The following SH2B1 variants were observed in gnomAD, a reference collection of about 807,000 sequenced individuals.
The protein encoded by SH2B1 is SH2B adapter protein 1.
A neutral mutation model predicts 62.6 loss-of-function variants in SH2B1; 15 were observed. The ratio of observed to expected loss-of-function variants is 0.24; its 90% CI spans 0.16 to 0.37. The LOEUF (loss-of-function observed/expected upper bound fraction) is 0.37, where lower values mean the gene tolerates loss of function less well. Among genes scored for constraint, SH2B1 ranks in the 10% least tolerant of loss-of-function variants. The probability of loss-of-function intolerance (pLI) is 1.00; values close to 1 mark genes in which losing one functional copy is unlikely to be tolerated. For synonymous variants in SH2B1, 443 were observed against 438.0 expected (o/e 1.01, Z -0.14); for missense variants, 925 against 1,015.6 (o/e 0.91, Z 1.21).
At position 28,872,242 on chromosome 16, in the gene SH2B1, C is replaced by T. The variant is rs538986621; in HGVS notation, c.1566C>T (p.Leu522=). The change falls in exon 6 of 8, where the codon CTC becomes CTT. Residue 522 remains leucine, a synonymous_variant. Coordinates refer to ENST00000684370, the MANE Select transcript of SH2B1 (RefSeq NM_001387430.1). The surrounding 1 kb of genome is among the most constrained non-coding windows in gnomAD (Gnocchi z 5.3). ...EPEGGEGDQP[L]SGYPWFHGML... ...AGGGCGGTGAGGGGGACCAGCCCCT[C>T]TCAGGGTATCCTTGGTTCCACGGGA... is the stretch of plus-strand genomic sequence containing the variant. 1 of 1,613,994 alleles carries T rather than the reference C, an allele frequency of 6.2e-7. No homozygotes were observed. The highest frequency in any genetic ancestry group is 2.2e-5 in the East Asian group (1 of 44,882).
rs1409368831 is a variant in SH2B1 at position 28,866,371 on chromosome 16, G to A, written c.277G>A (p.Ala93Thr). 6.2e-7 allele frequency: 1 copy of A among 1,613,310 alleles called. No homozygotes were observed. Among genetic ancestry groups the A allele is most frequent in the Non-Finnish European group, 8.5e-7 (1 of 1,179,992 alleles). ...TGGCTCCCTGTCGCCACCCATCCTG[G>A]CTCCCCTGAGCCCTGGTGCGGAGAT... ...ASGSLSPPIL[A>T]PLSPGAEISP... The change falls in exon 1 of 8, where the codon GCT becomes ACT. Residue 93 changes from alanine to threonine, a missense_variant. Around this residue, in one of 3 missense-constraint regions of SH2B1, gnomAD observed 683 missense variants for 704.0 expected, o/e 0.97. Transcript: ENST00000684370. This position sits in a 1 kb window ranked among gnomAD's most constrained non-coding sequence, Gnocchi z 6.3.
Position 28,864,200 on chromosome 16 carries a change from C to T in SH2B1, c.-1895C>T. The T allele has an allele frequency of 9.6e-7, 1 of 1,044,410 alleles. No individual in the cohort carries two copies. Among genetic ancestry groups the T allele is most frequent in the African/African-American group, 1.7e-5 (1 of 58,134 alleles). The allele number at this position is 1,044,410 out of a possible 1,614,324, so 64.7% of individuals were successfully genotyped here. On this transcript the variant is annotated 5_prime_UTR_variant, in exon 1 of 8. Transcript: ENST00000684370. ...ACCACCGGGCCCGGAGGGTCCGAGC[C>T]GAGAGCGGAGCCTGCACCCTCCACC...
At chr16:28,848,555 C>A (rs1198158273) in intron 1 of SH2B1, among the ~76,000 whole-genome samples, 1 of 152,084 alleles carries the variant, frequency 6.6e-6, no homozygotes, top group Admixed American at 6.6e-5. Context: ...CAGTGCTACC[C>A]TGGGTAGTAG....
intron 1 of SH2B1, among the ~76,000 whole-genome samples, chr16:28,855,806 A>ATT (rs746171586): frequency 5.9e-5 from 6 of 102,392 alleles, no homozygotes; most frequent in African/African-American, 8.0e-5. Context: ...CGCCCGGCTA[A>ATT]TTTTTTTTTT....
At chr16:28,856,289 AC>A (rs1353229784) in intron 1 of SH2B1, among the ~76,000 whole-genome samples, 2 of 147,722 alleles carry the variant, frequency 1.4e-5, no homozygotes, top group Non-Finnish European at 3.0e-5. Context: ...AAAAAAAAAA[AC>A]CACACACACA....
intron 2 of SH2B1, 32 bp from the exon 3 acceptor site, chr16:28,868,974 G>T: frequency 1.9e-6 from 3 of 1,552,618 alleles, no homozygotes; most frequent in Non-Finnish European, 2.7e-6. Context: ...CCCTGCCCCT[G>T]CCCCAGCTGA....
At chr16:28,859,096 C>G (rs1962382447), upstream of SH2B1, among the ~76,000 whole-genome samples, 1 of 151,946 alleles carries the variant, frequency 6.6e-6, no homozygotes, top group Admixed American at 6.6e-5. Context: ...CATGGACCAC[C>G]CAACCTGGCT....
rs1962677901 is a variant in SH2B1, at chr16:28,866,181, C to T, written c.87C>T (p.Phe29=). ...CCCCGCCCCCTAGTTGGCGGGAGTT[C>T]TGTGAGTCCCACGCCCGGGCTGCGG... ...PPPPPPSWRE[F]CESHARAAAL... Residue 29 remains phenylalanine, a synonymous_variant, in exon 1 of 8, where the codon TTC becomes TTT. Coordinates refer to ENST00000684370, the MANE Select transcript of SH2B1 (RefSeq NM_001387430.1). The surrounding 1 kb of genome is among the most constrained non-coding windows in gnomAD (Gnocchi z 6.3). The T allele has an allele frequency of 1.4e-6, 2 of 1,472,076 alleles. No homozygotes were observed. Among genetic ancestry groups the T allele is most frequent in the Non-Finnish European group, 9.1e-7 (1 of 1,102,036 alleles). The allele number at this position is 1,472,076 out of a possible 1,614,324, so 91.2% of individuals were successfully genotyped here.
chr16:28,866,535 G>C lies in SH2B1; in HGVS notation c.441G>C (p.Pro147=). The change falls in exon 1 of 8, where the codon CCG becomes CCC. Residue 147 remains proline, a synonymous_variant. Coordinates refer to ENST00000684370, the MANE Select transcript of SH2B1 (RefSeq NM_001387430.1). This position sits in a 1 kb window ranked among gnomAD's most constrained non-coding sequence, Gnocchi z 6.3. ...VSSSSTTSSK[P]KLKKRFSLRS... is the part of the protein sequence containing the mutation. ...CCTCCTCTACAACCTCCTCCAAGCC[G>C]AAGCTCAAGAAGCGCTTTTCCCTGC... 4 of 1,613,950 alleles carry C rather than the reference G, an allele frequency of 2.5e-6. No homozygotes were observed. Among genetic ancestry groups the C allele is most frequent in the Non-Finnish European group, 8.5e-7 (1 of 1,180,002 alleles).
chr16:28,863,491 C>T, upstream of SH2B1: 1 of 592,196 alleles, frequency 1.7e-6, no homozygotes, highest in South Asian at 2.2e-5. Context: ...ACAGCCTCAT[C>T]ATCTCGCTGG....
At position 28,869,091 on chromosome 16, in the gene SH2B1, G is replaced by A. The variant is rs755974041; in HGVS notation, c.1127G>A (p.Ser376Asn). ...AWVSDIQECL[S>N]PGPCPATSPR... ...GTGTCTGACATCCAAGAATGCCTGA[G>A]CCCAGGGTGAGAAGCCTGACTTCTG... The change falls in exon 3 of 8, where the codon AGC (serine) becomes AAC (asparagine). Residue 376 changes from serine to asparagine, a missense_variant. Around this residue, in one of 3 missense-constraint regions of SH2B1, gnomAD observed 683 missense variants for 704.0 expected, o/e 0.97. Transcript: ENST00000684370. The A allele has an allele frequency of 1.2e-5, 20 of 1,614,032 alleles. No homozygotes were observed. In the South Asian group the frequency reaches 2.1e-4, roughly 17 times the overall value.
At chr16:28,854,987 T>A (rs957539512) in intron 1 of SH2B1, among the ~76,000 whole-genome samples, 2 of 151,950 alleles carry the variant, frequency 1.3e-5, no homozygotes, top group African/African-American at 4.8e-5. Context: ...GCGATTCTCC[T>A]GCCTCAGCCT....
intron 1 of SH2B1, among the ~76,000 whole-genome samples, chr16:28,849,662 C>G (rs1962054480): frequency 6.6e-6 from 1 of 152,116 alleles, no homozygotes; most frequent in Non-Finnish European, 1.5e-5. Flanking sequence ...CACAATGGCT[C>G]ACACCTATAA....
rs1567458034 is a variant in SH2B1, at chr16:28,852,219, T to TACATATATATATTTAC, written c.-301+5402_-301+5403insATTTACACATATATAT. Among the ~76,000 whole-genome samples, 46 of 67,488 alleles carry TACATATATATATTTAC rather than the reference T, an allele frequency of 6.8e-4. 6 individuals carry two copies. The South Asian group carries it at 0.037, about 54-fold the overall frequency. 44.3% of individuals were successfully genotyped at this position (67,488 alleles called of 152,430 possible). ...ATTTATATATTTACATATATATATT[T>TACATATATATATTTAC]ACATATATATTTACATATATATATT... On this transcript the variant is annotated intron_variant, in intron 1 of 10. Transcript: ENST00000322610.
chr16:28,871,022 TGTGTGTG>T (rs1962996415), intron 4 of SH2B1, among the ~76,000 whole-genome samples: 1 of 150,986 alleles, frequency 6.6e-6, no homozygotes, highest in African/African-American at 2.4e-5. Context: ...TGTGTGTGTG[TGTGTGTG>T]TGTTTTGAGA....
chr16:28,867,790 C>G (rs1261731732), intron 2 of SH2B1, among the ~76,000 whole-genome samples: 1 of 152,140 alleles, frequency 6.6e-6, no homozygotes, highest in Non-Finnish European at 1.5e-5. Flanking sequence ...CTCTAAGGAG[C>G]TGGGACTACA....
Position 28,864,473 on chromosome 16 carries a change from C to T in SH2B1, c.-1622C>T. On this transcript the variant is annotated 5_prime_UTR_variant, in exon 1 of 8. Coordinates refer to ENST00000684370, the MANE Select transcript of SH2B1 (RefSeq NM_001387430.1). ...GTTCCCCCGTGCTCCATGACTCCTGCATCTCCTGATTGTTTCTCGTTGGTT... is the reference window on the plus strand; with the variant it reads ...GTTCCCCCGTGCTCCATGACTCCTGTATCTCCTGATTGTTTCTCGTTGGTT... 3 of 985,896 alleles carry T rather than the reference C, an allele frequency of 3.0e-6. No individual in the cohort carries two copies. The highest frequency in any genetic ancestry group is 9.4e-5 in the South Asian group (2 of 21,340). 61.1% of individuals were successfully genotyped at this position (985,896 alleles called of 1,614,324 possible). A position where few individuals can be genotyped will look rare whatever the true frequency, so the allele number is the denominator to read the frequency against.
chr16:28,863,918 G>A lies in SH2B1; in HGVS notation c.-2177G>A. 1 of 1,460,166 alleles carries A rather than the reference G, an allele frequency of 6.8e-7. No homozygotes were observed. The highest frequency in any genetic ancestry group is 9.0e-7 in the Non-Finnish European group (1 of 1,109,900). The allele number at this position is 1,460,166 out of a possible 1,614,324, so 90.5% of individuals were successfully genotyped here. A position where few individuals can be genotyped will look rare whatever the true frequency, so the allele number is the denominator to read the frequency against. On this transcript the variant is annotated 5_prime_UTR_variant, in exon 1 of 8. Coordinates refer to ENST00000684370, the MANE Select transcript of SH2B1 (RefSeq NM_001387430.1). ...AGCCGCCGCCGCCGCCGCCGCCGCCGGAGCTAACCTCGGGGACCGAGATGC... is the reference window on the plus strand; with the variant it reads ...AGCCGCCGCCGCCGCCGCCGCCGCCAGAGCTAACCTCGGGGACCGAGATGC...
At position 28,852,442 on chromosome 16, in the gene SH2B1, ATATATTTACATATATATT is replaced by A. The variant is rs1962150334; in HGVS notation, c.-301+5621_-301+5638del. On this transcript the variant is annotated intron_variant, in intron 1 of 10. Transcript: ENST00000322610. Reference sequence around the variant, plus strand: ...TATATATTTACATATATATTTATATATATATTTACATATATATTTATATATATACATATATATTTATAT... The same window carrying A: ...TATATATTTACATATATATTTATATATATATATATACATATATATTTATAT... Among the ~76,000 whole-genome samples the A allele has an allele frequency of 2.0e-5, 2 of 100,080 alleles. 1 individual carries two copies. 65.7% of individuals were successfully genotyped at this position (100,080 alleles called of 152,430 possible).
Sources: gnomAD v4.1 joint callset for allele counts (sites outside exome capture counted in the v4.1 genomes callset) on GRCh38, gnomAD v4.1.1 for gene constraint, gnomAD v4.1.1 regional missense constraint, Gnocchi (gnomAD v3.1) non-coding constraint, MANE v1.5 for transcripts, NCBI Gene and HGNC (gene_info 2026-07-23, HGNC 2026-07-21) for gene names.